The following EPSTI1 variants were observed in gnomAD, a reference collection of about 807,000 sequenced individuals.
The protein encoded by EPSTI1 is epithelial stromal interaction 1.
A neutral mutation model predicts 49.9 loss-of-function variants in EPSTI1; 66 were observed. The observed-to-expected ratio is 1.32, with a 90% CI of 1.08 to 1.62. The LOEUF (loss-of-function observed/expected upper bound fraction) is 1.62, where lower values mean the gene tolerates loss of function less well. EPSTI1 is among the 40% of genes most tolerant of loss of function. The pLI is 0.00. For synonymous variants in EPSTI1, 137 were observed against 130.7 expected (o/e 1.05, Z -0.33); for missense variants, 394 against 365.5 (o/e 1.08, Z -0.64).
intron 10 of EPSTI1, among the ~76,000 whole-genome samples, chr13:42,889,698 C>T (rs2036972050): frequency 6.6e-6 from 1 of 152,186 alleles, no homozygotes; most frequent in Non-Finnish European, 1.5e-5. Context: ...ATTTGCAGAA[C>T]ATGTCCTAAA....
intron 1 of EPSTI1, among the ~76,000 whole-genome samples, chr13:42,977,754 C>T (rs1158775445): frequency 6.6e-6 from 1 of 152,210 alleles, no homozygotes; most frequent in African/African-American, 2.4e-5. Flanking sequence ...GCAGATTATT[C>T]AGTTTTTCTA....
intron 8 of EPSTI1, among the ~76,000 whole-genome samples, chr13:42,910,118 T>A (rs1432825934): frequency 6.6e-6 from 1 of 152,202 alleles, no homozygotes; most frequent in Non-Finnish European, 1.5e-5. Context: ...GGAAAGTTTT[T>A]AATTTTTTTT....
At chr13:42,945,155 T>C (rs894290070) in intron 6 of EPSTI1, among the ~76,000 whole-genome samples, 2 of 152,218 alleles carry the variant, frequency 1.3e-5, no homozygotes, top group African/African-American at 2.4e-5. Context: ...CAGTTCCACA[T>C]GGCTGGGGAG....
chr13:42,957,822 G>A (rs577586826), intron 5 of EPSTI1, among the ~76,000 whole-genome samples: 29 of 152,276 alleles, frequency 1.9e-4, no homozygotes, highest in Middle Eastern at 3.4e-3. Context: ...CAATTGGCCC[G>A]CCTTAGCTCC....
At chr13:42,966,708 C>CT (rs1233773310) in intron 3 of EPSTI1, among the ~76,000 whole-genome samples, 2 of 86,074 alleles carry the variant, frequency 2.3e-5, no homozygotes, top group Non-Finnish European at 2.6e-5. Context: ...GTCAGCCCCC[C>CT]GCCCGGCCAG....
intron 8 of EPSTI1, among the ~76,000 whole-genome samples, chr13:42,901,507 A>C (rs1013372456): frequency 6.6e-6 from 1 of 151,728 alleles, no homozygotes; most frequent in African/African-American, 2.4e-5. Context: ...TTTTGAAATC[A>C]ATGAATAATA....
At chr13:42,914,757 G>C (rs2037783055) in intron 8 of EPSTI1, among the ~76,000 whole-genome samples, 1 of 152,142 alleles carries the variant, frequency 6.6e-6, no homozygotes, top group Non-Finnish European at 1.5e-5. Flanking sequence ...GATGAGATGA[G>C]AAGTTCACGT....
intron 1 of EPSTI1, chr13:42,991,185 A>G (rs1051850028): frequency 6.6e-6 from 1 of 152,258 alleles, no homozygotes; most frequent in African/African-American, 2.4e-5. Flanking sequence ...GCTCCTACCT[A>G]GAGGCAGAAT....
chr13:42,926,268 C>T lies in EPSTI1; in HGVS notation c.657+68G>A, dbSNP rs1239095400. Reference sequence around the variant, plus strand: ...ATGATGTACAAGTCACTCTATATCCCTCATCTTCAGTCACTAAATACCTCT... The same window carrying T: ...ATGATGTACAAGTCACTCTATATCCTTCATCTTCAGTCACTAAATACCTCT... On this transcript the variant is annotated intron_variant, in intron 7 of 10. Coordinates refer to ENST00000313624, the MANE Select transcript of EPSTI1 (RefSeq NM_033255.5). 6.6e-6 allele frequency: 6 copies of T among 913,026 alleles called. No individual in the cohort carries two copies. The East Asian group carries it at 1.4e-4, about 22-fold the overall frequency. The allele number at this position is 913,026 out of a possible 1,614,324, so 56.6% of individuals were successfully genotyped here. A position where few individuals can be genotyped will look rare whatever the true frequency, so the allele number is the denominator to read the frequency against.
chr13:42,988,860 T>A (rs939968223), intron 1 of EPSTI1, among the ~76,000 whole-genome samples: 1 of 151,532 alleles, frequency 6.6e-6, no homozygotes, highest in African/African-American at 2.4e-5. Context: ...GTTTATTTAT[T>A]TATTTATTTA....
Position 42,888,313 on chromosome 13 carries a change from C to G in EPSTI1, c.*181G>C. On this transcript the variant is annotated 3_prime_UTR_variant, in exon 11 of 11. Transcript: ENST00000313624. ...TAAATATGAGTTCAGGAATCAGCTC[C>G]TCCAAACATGCATAAATGAGGACAA... The G allele has an allele frequency of 6.2e-7, 1 of 1,613,124 alleles. No homozygotes were observed. Among genetic ancestry groups the G allele is most frequent in the Non-Finnish European group, 8.5e-7 (1 of 1,179,594 alleles).
chr13:42,891,695 A>G (rs1359186), intron 10 of EPSTI1, among the ~76,000 whole-genome samples: 57,741 of 151,926 alleles, frequency 0.38, 11,311 homozygotes, highest in East Asian at 0.6. Flanking sequence ...AAGTCTTTCT[A>G]TTGTGTTTGT....
chr13:42,957,763 TG>T (rs1406943200), intron 5 of EPSTI1, among the ~76,000 whole-genome samples: 1 of 152,098 alleles, frequency 6.6e-6, no homozygotes, highest in African/African-American at 2.4e-5. Flanking sequence ...TTTGTAGAGA[TG>T]GGGTCTCACC....
intron 1 of EPSTI1, among the ~76,000 whole-genome samples, chr13:42,978,517 G>A (rs918983370): frequency 3.9e-5 from 6 of 152,212 alleles, no homozygotes; most frequent in Admixed American, 6.5e-5. Flanking sequence ...AGGCAGGTTT[G>A]CCCTGAGCAG....
chr13:42,956,140 A>G (rs933502262), intron 5 of EPSTI1, among the ~76,000 whole-genome samples: 1 of 152,232 alleles, frequency 6.6e-6, no homozygotes, highest in Non-Finnish European at 1.5e-5. Flanking sequence ...AAGCACTTAT[A>G]TGGATTGTCA....
At chr13:42,963,155 G>A (rs1323077645) in intron 5 of EPSTI1, 100 bp downstream of exon 5, 514 of 960,052 alleles carry the variant, frequency 5.4e-4, no homozygotes, top group Non-Finnish European at 5.3e-5. Flanking sequence ...GAGAGAGAGA[G>A]AAAGATGGAT....
At chr13:42,988,218 G>T (rs1309005242) in intron 1 of EPSTI1, among the ~76,000 whole-genome samples, 1 of 152,056 alleles carries the variant, frequency 6.6e-6, no homozygotes, top group Non-Finnish European at 1.5e-5. Context: ...TTATCTAGAG[G>T]TGATATAAAT....
At chr13:42,916,531 C>T (rs1400724121) in intron 8 of EPSTI1, among the ~76,000 whole-genome samples, 1 of 152,060 alleles carries the variant, frequency 6.6e-6, no homozygotes, top group East Asian at 1.9e-4. Flanking sequence ...ACAAATAGTT[C>T]ATTTTTCAAT....
intron 1 of EPSTI1, among the ~76,000 whole-genome samples, chr13:42,991,669 C>T (rs1219576901): frequency 6.6e-6 from 1 of 152,208 alleles, no homozygotes; most frequent in African/African-American, 2.4e-5. Flanking sequence ...TGGAAAATGA[C>T]ATCTTACTGG....
Sources: allele counts gnomAD v4.1 joint callset (sites outside exome capture counted in the v4.1 genomes callset), GRCh38; gene constraint gnomAD v4.1.1; transcripts MANE v1.5; gene names NCBI Gene and HGNC (gene_info 2026-07-23, HGNC 2026-07-21).